POLI: variants seen among roughly 807,000 people sequenced by gnomAD.
POLI encodes DNA polymerase iota, also known as RAD30 homolog B.
In POLI, 58 loss-of-function variants were observed where a neutral mutation model predicts 51.6. The ratio of observed to expected loss-of-function variants is 1.12; its 90% CI spans 0.91 to 1.40. The LOEUF is 1.40. Among genes scored for constraint, POLI ranks in the 40% most tolerant of loss-of-function variants. POLI has a pLI of 0.00. For missense variants in POLI, 921 were observed against 871.3 expected (o/e 1.06, Z -0.72); for synonymous variants, 322 against 299.7 (o/e 1.07, Z -0.77).
In POLI at chr18:54,294,849, ATC is replaced by A; in HGVS notation, c.*385_*386del. On this transcript the variant is annotated 3_prime_UTR_variant, in exon 10 of 10. Transcript: ENST00000579534. ...TTTTTTTTCCTGTGAAATGTGGAAT[ATC>A]TCAAATTCAGCCTCTTAGGCTGAAT... 4.1e-6 allele frequency: 4 copies of A among 985,280 alleles called. No homozygotes were observed. Among genetic ancestry groups the A allele is most frequent in the Non-Finnish European group, 4.8e-6 (4 of 830,338 alleles). The allele number at this position is 985,280 out of a possible 1,614,324, so 61.0% of individuals were successfully genotyped here. A position where few individuals can be genotyped will look rare whatever the true frequency, so the allele number is the denominator to read the frequency against.
intron 3 of POLI, among the ~76,000 whole-genome samples, chr18:54,313,254 G>A (rs578252918): frequency 2.0e-5 from 3 of 152,272 alleles, no homozygotes; most frequent in Non-Finnish European, 4.4e-5. Context: ...AGATCAGATG[G>A]TTGTAGGTAT....
chr18:54,284,011 C>G lies in POLI; in HGVS notation c.1065C>G (p.Asn355Lys). The change falls in exon 7 of 10, where the codon AAC becomes AAG. Residue 355 changes from asparagine to lysine, a missense_variant and splice_region_variant. Transcript: ENST00000579534. ...AAGAACTACTTGCTAGTCTTTTAAA[C>G]AGGTGATTTTCAATCCATTTTGCCA... is the stretch of plus-strand genomic sequence containing the variant. Reference protein sequence around the residue: ...KIEELLASLLNRVCQDGRKPH... With the variant: ...KIEELLASLLKRVCQDGRKPH... The G allele has an allele frequency of 7.5e-7, 1 of 1,334,490 alleles. No homozygotes were observed. Among genetic ancestry groups the G allele is most frequent in the Admixed American group, 2.0e-5 (1 of 50,522 alleles). The allele number at this position is 1,334,490 out of a possible 1,614,324, so 82.7% of individuals were successfully genotyped here.
At chr18:54,301,140 G>A (rs561487914), downstream of POLI, among the ~76,000 whole-genome samples, 31 of 152,064 alleles carry the variant, frequency 2.0e-4, no homozygotes, top group Non-Finnish European at 4.4e-4. Context: ...GTAGCTGGGC[G>A]TGGTGGCGGG....
At chr18:54,311,381 A>G (rs2088666344) in intron 3 of POLI, among the ~76,000 whole-genome samples, 1 of 152,104 alleles carries the variant, frequency 6.6e-6, no homozygotes. Context: ...CTTCACTAAG[A>G]AAGTACTATT....
intron 3 of POLI, among the ~76,000 whole-genome samples, chr18:54,305,526 G>A (rs2088568104): frequency 6.9e-6 from 1 of 144,766 alleles, no homozygotes; most frequent in African/African-American, 2.5e-5. Flanking sequence ...TAGCAATTGT[G>A]AATGGGAGTT....
rs941743264 is a variant in POLI at position 54,296,348 on chromosome 18, A to T, written c.*1881A>T. ...GGGCTATGTCACAGTTACGCTACTT[A>T]TTTTGTGGTTTTAAGTTAGTCTCAA... On this transcript the variant is annotated 3_prime_UTR_variant, in exon 10 of 10. Transcript: ENST00000579534. 1 of 985,128 alleles carries T rather than the reference A, an allele frequency of 1.0e-6. No homozygotes were observed. 61.0% of individuals were successfully genotyped at this position (985,128 alleles called of 1,614,324 possible).
At chr18:54,275,612 T>G (rs1352867698) in intron 3 of POLI, among the ~76,000 whole-genome samples, 3 of 152,244 alleles carry the variant, frequency 2.0e-5, no homozygotes, top group African/African-American at 7.2e-5. Flanking sequence ...CCTAAATGCC[T>G]CCTCTCATAT....
At chr18:54,293,025 G>A (rs969219824) in intron 9 of POLI, among the ~76,000 whole-genome samples, 7 of 151,900 alleles carry the variant, frequency 4.6e-5, no homozygotes, top group Admixed American at 3.3e-4. Context: ...AGTTCATATT[G>A]TGTTGATGTT....
chr18:54,271,857 C>T (rs2087018636), intron 2 of POLI, among the ~76,000 whole-genome samples: 1 of 152,190 alleles, frequency 6.6e-6, no homozygotes, highest in Admixed American at 6.5e-5. Flanking sequence ...CGTCTGTCCT[C>T]CCCTTTCTGA....
At chr18:54,283,320 G>A (rs2087602013) in intron 6 of POLI, among the ~76,000 whole-genome samples, 1 of 152,108 alleles carries the variant, frequency 6.6e-6, no homozygotes, top group Non-Finnish European at 1.5e-5. Flanking sequence ...TGTTTTCAGA[G>A]TAGTCCAGTG....
At position 54,282,911 on chromosome 18, in the gene POLI, C is replaced by A. The variant is rs148150744; in HGVS notation, c.871C>A (p.Pro291Thr). The A allele has an allele frequency of 1.9e-6, 3 of 1,596,686 alleles. No individual in the cohort carries two copies. The highest frequency in any genetic ancestry group is 2.7e-5 in the African/African-American group (2 of 74,662). The change falls in exon 6 of 10, where the codon CCC becomes ACC. Residue 291 changes from proline (P) to threonine (T), a missense_variant. Transcript: ENST00000579534. ...NSVRDLQTFS[P>T]KILEKELGIS... ...TGTGCGTGATCTCCAAACCTTTTCA[C>A]CCAAAATTTTAGAAAAAGAATTAGG...
intron 8 of POLI, among the ~76,000 whole-genome samples, chr18:54,289,848 A>G (rs1275872582): frequency 2.0e-5 from 3 of 152,220 alleles, no homozygotes; most frequent in African/African-American, 7.2e-5. Context: ...TAAAGACTTA[A>G]ATGTTAGAAC....
At position 54,296,217 on chromosome 18, in the gene POLI, A is replaced by C; in HGVS notation, c.*1750A>C. On this transcript the variant is annotated 3_prime_UTR_variant, in exon 10 of 10. Transcript: ENST00000579534. ...GATTTCAGGACCTTGGACAGCTAGA[A>C]GGGGCTTAAGAAAAAATGGCTAAGA... 1 of 985,380 alleles carries C rather than the reference A, an allele frequency of 1.0e-6. No homozygotes were observed. 61.0% of individuals were successfully genotyped at this position (985,380 alleles called of 1,614,324 possible). A position where few individuals can be genotyped will look rare whatever the true frequency, so the allele number is the denominator to read the frequency against.
rs1045906613 is a variant in POLI at position 54,283,007 on chromosome 18, C to T, written c.967C>T (p.Pro323Ser). The change falls in exon 6 of 10, where the codon CCA (proline) becomes TCA (serine). Residue 323 changes from proline (P) to serine (S), a missense_variant. Coordinates refer to ENST00000579534, the MANE Select transcript of POLI (RefSeq NM_007195.3). ...TAACTCCCCTGTGATACTCTCAGGA[C>T]CACCTCAGGTACATGATGATACTTA... is the stretch of plus-strand genomic sequence containing the variant. ...EDNSPVILSG[P>S]PQSFSEEDSF... The T allele has an allele frequency of 3.1e-6, 5 of 1,593,874 alleles. No individual in the cohort carries two copies. In the South Asian group the frequency reaches 3.3e-5, roughly 11 times the overall value.
chr18:54,297,539 A>G lies in POLI; in HGVS notation c.*3072A>G, dbSNP rs2088396209. ...AGTGCCAAAGTACAAATTTATTTGG[A>G]TTTATTTTTTGCCATCTTATTTTTT... On this transcript the variant is annotated 3_prime_UTR_variant, in exon 10 of 10. Coordinates refer to ENST00000579534, the MANE Select transcript of POLI (RefSeq NM_007195.3). 3 of 978,808 alleles carry G rather than the reference A, an allele frequency of 3.1e-6. No homozygotes were observed. Among genetic ancestry groups the G allele is most frequent in the African/African-American group, 1.8e-5 (1 of 57,116 alleles). The allele number at this position is 978,808 out of a possible 1,614,324, so 60.6% of individuals were successfully genotyped here.
chr18:54,271,103 T>C (rs2086984208), intron 1 of POLI: 1 of 291,226 alleles, frequency 3.4e-6, no homozygotes, highest in Admixed American at 5.1e-5. Flanking sequence ...ATCCATTATT[T>C]ATCACATTTT....
chr18:54,269,841 T>C, intron 1 of POLI, 180 bp downstream of exon 1: 1 of 1,343,736 alleles, frequency 7.4e-7, no homozygotes. Flanking sequence ...GAGGAATGGC[T>C]TCACCCAGCA....
At position 54,271,484 on chromosome 18, in the gene POLI, AG is replaced by A; in HGVS notation, c.241+1del. On this transcript the variant is annotated frameshift_variant and splice_region_variant, in exon 2 of 10. Coordinates refer to ENST00000579534, the MANE Select transcript of POLI (RefSeq NM_007195.3). LOFTEE classifies it high-confidence loss of function. ...ATCCAGAGCTAAAAGACAAACCTTT[AG>A]GTAACTGTAGATTTATAATATTTTT... is the stretch of plus-strand genomic sequence containing the variant. ...SNPELKDKPL[G>X]VQQKYLVVTC... is the part of the protein sequence containing the mutation. The A allele has an allele frequency of 2.5e-6, 4 of 1,578,988 alleles. No homozygotes were observed. The highest frequency in any genetic ancestry group is 3.5e-6 in the Non-Finnish European group (4 of 1,156,334).
chr18:54,285,294 C>T (rs1038255409), intron 7 of POLI, among the ~76,000 whole-genome samples: 2 of 152,114 alleles, frequency 1.3e-5, no homozygotes, highest in African/African-American at 4.8e-5. Context: ...GACAGTTCTT[C>T]ACATAGAAAA....
Sources: gnomAD v4.1 joint callset for allele counts (sites outside exome capture counted in the v4.1 genomes callset) on GRCh38, gnomAD v4.1.1 for gene constraint, MANE v1.5 for transcripts, NCBI Gene and HGNC (gene_info 2026-07-23, HGNC 2026-07-21) for gene names.